The following SHANK2 variants were observed in gnomAD, a reference collection of about 807,000 sequenced individuals.
SHANK2 encodes the protein SH3 and multiple ankyrin repeat domains 2, also known as SH3 and multiple ankyrin repeat domains protein 2.
Under a neutral mutation model 133.7 loss-of-function variants are expected in SHANK2, and 43 were observed. The ratio of observed to expected loss-of-function variants is 0.32; its 90% CI spans 0.25 to 0.41. The LOEUF (loss-of-function observed/expected upper bound fraction) is 0.41, where lower values mean the gene tolerates loss of function less well. Among genes scored for constraint, SHANK2 ranks in the 10% least tolerant of loss-of-function variants. The probability of loss-of-function intolerance (pLI) is 1.00; values close to 1 mark genes in which losing one functional copy is unlikely to be tolerated. For synonymous variants in SHANK2, 1,017 were observed against 952.8 expected (o/e 1.07, Z -1.24); for missense variants, 1,994 against 2,235.8 (o/e 0.89, Z 2.18).
At chr11:70,651,710 C>T (rs1258886204) in intron 17 of SHANK2, among the ~76,000 whole-genome samples, 1 of 152,124 alleles carries the variant, frequency 6.6e-6, no homozygotes, top group African/African-American at 2.4e-5. Context: ...CAGGACAGAC[C>T]CTGTTTGTCT....
rs146926805 is a variant in SHANK2 at position 71,201,002 on chromosome 11, C to T, written c.-13+23695G>A. On this transcript the variant is annotated intron_variant, in intron 2 of 25. Coordinates refer to ENST00000601538, the MANE Select transcript of SHANK2 (RefSeq NM_012309.5). Reference sequence around the variant, plus strand: ...ATGTGGCAGGGCCTGCCACGGGCCCCGAGGATGCATCAGTAAACAACATAA... The same window carrying T: ...ATGTGGCAGGGCCTGCCACGGGCCCTGAGGATGCATCAGTAAACAACATAA... Among the ~76,000 whole-genome samples the T allele has an allele frequency of 1.6e-3, 240 of 152,236 alleles. 1 individual carries two copies. Among genetic ancestry groups the T allele is most frequent in the Admixed American group, 3.7e-3 (57 of 15,294 alleles).
chr11:71,171,417 C>T (rs1393127631), intron 2 of SHANK2, among the ~76,000 whole-genome samples: 3 of 152,200 alleles, frequency 2.0e-5, no homozygotes, highest in Non-Finnish European at 4.4e-5. Flanking sequence ...ATCTGGGGAT[C>T]ATTCAGCTTA....
chr11:71,226,491 C>G (rs1954646855), intron 1 of SHANK2: 1 of 152,110 alleles, frequency 6.6e-6, no homozygotes, highest in Non-Finnish European at 1.5e-5. Context: ...AAAATTCACA[C>G]CAATATACAT....
At chr11:70,809,115 C>T (rs566463931) in intron 12 of SHANK2, among the ~76,000 whole-genome samples, 97 of 151,562 alleles carry the variant, frequency 6.4e-4, no homozygotes, top group African/African-American at 2.3e-3. Context: ...TAGAAACAAA[C>T]GCATCTACAC....
chr11:70,948,510 T>G (rs1443132566), intron 10 of SHANK2, among the ~76,000 whole-genome samples: 2 of 152,220 alleles, frequency 1.3e-5, no homozygotes, highest in Non-Finnish European at 2.9e-5. Context: ...GAAATACAAC[T>G]TCCACTTCCC....
intron 10 of SHANK2, among the ~76,000 whole-genome samples, chr11:70,900,865 G>A (rs539347614): frequency 6.6e-6 from 1 of 152,078 alleles, no homozygotes; most frequent in Non-Finnish European, 1.5e-5. Flanking sequence ...TCTCAGCATT[G>A]CTCAGTGTCA....
chr11:71,133,653 C>T (rs73523260), intron 3 of SHANK2, among the ~76,000 whole-genome samples: 12,591 of 151,788 alleles, frequency 0.083, 1,358 homozygotes, highest in African/African-American at 0.25. Context: ...AGGGGGCCTC[C>T]CTGGTTAGGC....
chr11:71,117,021 TTTG>T (rs1168923799), intron 4 of SHANK2, among the ~76,000 whole-genome samples: 6 of 152,140 alleles, frequency 3.9e-5, no homozygotes, highest in Non-Finnish European at 8.8e-5. Context: ...CTCAGGTTTT[TTTG>T]TTGTTGTTGT....
chr11:70,863,183 A>G lies in SHANK2; in HGVS notation c.1174+33318T>C, dbSNP rs1590770380. On this transcript the variant is annotated intron_variant, in intron 11 of 25. Transcript: ENST00000601538. ...ATTTGTAGGCCAGACAGCAGGTGAG[A>G]GAGGTCCCTGGTCAGGAGGGGTTGG... is the stretch of plus-strand genomic sequence containing the variant. The G allele has an allele frequency of 4.9e-4, 183 of 371,446 alleles. 4 individuals are homozygous for G. The highest frequency in any genetic ancestry group is 3.6e-3 in the South Asian group (181 of 50,476). 23.0% of individuals were successfully genotyped at this position (371,446 alleles called of 1,614,324 possible).
At chr11:70,679,519 C>T (rs1329409869) in intron 15 of SHANK2, among the ~76,000 whole-genome samples, 2 of 152,240 alleles carry the variant, frequency 1.3e-5, no homozygotes, top group African/African-American at 2.4e-5. Flanking sequence ...GCGGAGGCTT[C>T]CAGCCATCAG....
intron 2 of SHANK2, among the ~76,000 whole-genome samples, chr11:71,178,966 G>C (rs1953497739): frequency 1.3e-5 from 2 of 152,168 alleles, no homozygotes; most frequent in South Asian, 4.2e-4. Context: ...CTGGGTGACA[G>C]AATGAGACTT....
chr11:70,472,922 C>T lies in SHANK2; in HGVS notation c.5497G>A (p.Val1833Ile), dbSNP rs1221432899. 1 of 1,614,134 alleles carries T rather than the reference C, an allele frequency of 6.2e-7. No individual in the cohort carries two copies. Among genetic ancestry groups the T allele is most frequent in the Non-Finnish European group, 8.5e-7 (1 of 1,180,062 alleles). ...EDLIDLGVTRVGHRMNIERAL... is the reference protein window; with the variant it reads ...EDLIDLGVTRIGHRMNIERAL... ...CTTTCTATGTTCATTCTGTGCCCGA[C>T]TCGAGTTACCCCAAGATCGATGAGG... The change falls in exon 26 of 26, where the codon GTC becomes ATC. Residue 1833 changes from valine (V) to isoleucine (I), a missense_variant. Around this residue, in one of 5 missense-constraint regions of SHANK2, gnomAD observed 42 missense variants for 79.9 expected, o/e 0.53. Coordinates refer to ENST00000601538, the MANE Select transcript of SHANK2 (RefSeq NM_012309.5). The surrounding 1 kb of genome is among the most constrained non-coding windows in gnomAD (Gnocchi z 4.4).
chr11:70,890,482 A>G (rs1266564881), intron 11 of SHANK2, among the ~76,000 whole-genome samples: 3 of 21,108 alleles, frequency 1.4e-4, no homozygotes, highest in Admixed American at 1.1e-3. Context: ...CTACTAAAAA[A>G]AAAAACAAAA....
At chr11:70,767,657 C>T (rs1947150451) in intron 14 of SHANK2, among the ~76,000 whole-genome samples, 1 of 151,994 alleles carries the variant, frequency 6.6e-6, no homozygotes, top group Admixed American at 6.6e-5. Flanking sequence ...GAAAGGGAAT[C>T]TGCAGTGATG....
chr11:70,826,598 A>C, intron 11 of SHANK2: 1 of 463,534 alleles, frequency 2.2e-6, no homozygotes, highest in South Asian at 1.6e-5. Flanking sequence ...GTGCTAGAGC[A>C]GCTGGGACCC....
intron 17 of SHANK2, among the ~76,000 whole-genome samples, chr11:70,617,455 C>G (rs543727304): frequency 9.9e-5 from 15 of 151,500 alleles, no homozygotes; most frequent in Admixed American, 2.0e-4. Flanking sequence ...GAAAGAAACG[C>G]GAGGAACGGA....
rs1017679412 is a variant in SHANK2, at chr11:70,625,565, T to C, written c.2061+34263A>G. Among the ~76,000 whole-genome samples the C allele has an allele frequency of 3.3e-5, 5 of 152,170 alleles. No homozygotes were observed. In the East Asian group the frequency reaches 9.7e-4, roughly 29 times the overall value. Reference sequence around the variant, plus strand: ...TGAAGGCAAAGGTTAGCTCTCTCTTTGGATCAAGTTGGTGCTTCACTACCC... The same window carrying C: ...TGAAGGCAAAGGTTAGCTCTCTCTTCGGATCAAGTTGGTGCTTCACTACCC... On this transcript the variant is annotated intron_variant, in intron 17 of 25. Transcript: ENST00000601538.
intron 9 of SHANK2, among the ~76,000 whole-genome samples, chr11:71,074,192 T>C (rs931249720): frequency 1.3e-5 from 2 of 152,110 alleles, no homozygotes; most frequent in Non-Finnish European, 2.9e-5. Context: ...GCCTTCCCGG[T>C]GCCCCCCAGG....
At chr11:70,655,636 C>T (rs892830221) in intron 17 of SHANK2, among the ~76,000 whole-genome samples, 1 of 152,152 alleles carries the variant, frequency 6.6e-6, no homozygotes, top group Non-Finnish European at 1.5e-5. Context: ...AAGGATGTCT[C>T]AGTTACAGGA....
Sources: allele counts gnomAD v4.1 joint callset (sites outside exome capture counted in the v4.1 genomes callset), GRCh38; gene constraint gnomAD v4.1.1; regional missense constraint gnomAD v4.1.1; non-coding constraint Gnocchi (gnomAD v3.1); transcripts MANE v1.5; gene names NCBI Gene and HGNC (gene_info 2026-07-23, HGNC 2026-07-21).